The following COPG2 variants were observed in gnomAD, a reference collection of about 807,000 sequenced individuals.
COPG2 encodes the protein coatomer subunit gamma-2.
A neutral mutation model predicts 46.3 loss-of-function variants in COPG2; 37 were observed. The observed-to-expected ratio is 0.80, with a 90% CI of 0.61 to 1.05. The LOEUF is 1.05. Ranked by LOEUF, COPG2 falls within the 50% of genes least tolerant of loss-of-function variation. COPG2 has a pLI of 0.00. For missense variants in COPG2, 427 were observed against 387.8 expected (o/e 1.10, Z -0.85); for synonymous variants, 159 against 129.7 (o/e 1.23, Z -1.53).
intron 9 of COPG2, among the ~76,000 whole-genome samples, chr7:130,566,622 C>G (rs1388199808): frequency 6.6e-6 from 1 of 152,144 alleles, no homozygotes; most frequent in East Asian, 1.9e-4. Flanking sequence ...ATGCCAGGGC[C>G]CACCTCTGCT....
chr7:130,570,777 A>T (rs1793882266), intron 9 of COPG2, among the ~76,000 whole-genome samples: 1 of 152,244 alleles, frequency 6.6e-6, no homozygotes, highest in Non-Finnish European at 1.5e-5. Context: ...ATCTGGAGGC[A>T]TCACATTACC....
chr7:130,528,532 G>T (rs936616120), intron 20 of COPG2, among the ~76,000 whole-genome samples: 1 of 152,244 alleles, frequency 6.6e-6, no homozygotes, highest in South Asian at 2.1e-4. Context: ...CTGAGATCAC[G>T]AATTAGGCCA....
intron 5 of COPG2, among the ~76,000 whole-genome samples, chr7:130,627,083 G>T (rs144813707): frequency 6.6e-6 from 1 of 152,264 alleles, no homozygotes; most frequent in Admixed American, 6.5e-5. Context: ...TAGAGATGAG[G>T]TTTCACCATG....
intron 1 of COPG2, 143 bp downstream of exon 1, chr7:130,668,489 G>A (rs1400238445): frequency 1.7e-6 from 1 of 581,006 alleles, no homozygotes; most frequent in Non-Finnish European, 2.6e-6. Context: ...GCCGCGAGGG[G>A]AGGGGAGGGG....
At chr7:130,629,987 G>A (rs184639378) in intron 5 of COPG2, among the ~76,000 whole-genome samples, 5 of 149,606 alleles carry the variant, frequency 3.3e-5, no homozygotes, top group South Asian at 2.1e-4. Flanking sequence ...GCGCAATCTC[G>A]GCTCACTGCA....
chr7:130,550,943 G>A (rs1793528107), intron 16 of COPG2, among the ~76,000 whole-genome samples: 3 of 152,036 alleles, frequency 2.0e-5, no homozygotes, highest in African/African-American at 7.2e-5. Flanking sequence ...GATAGCATAA[G>A]AAAACGGGAA....
intron 4 of COPG2, among the ~76,000 whole-genome samples, chr7:130,656,484 A>C (rs947040279): frequency 2.6e-5 from 4 of 152,198 alleles, no homozygotes; most frequent in Admixed American, 6.5e-5. Context: ...CTTGAAAGAT[A>C]CAAACTACCA....
intron 5 of COPG2, among the ~76,000 whole-genome samples, chr7:130,636,337 C>G (rs1027174736): frequency 8.5e-5 from 13 of 152,128 alleles, no homozygotes; most frequent in African/African-American, 2.9e-4. Context: ...GTGTGGGAGT[C>G]TAGGTCTCTT....
At chr7:130,524,697 T>C (rs1260781992) in intron 20 of COPG2, among the ~76,000 whole-genome samples, 4 of 151,806 alleles carry the variant, frequency 2.6e-5, no homozygotes, top group East Asian at 3.9e-4. Context: ...TGACAAAGCA[T>C]AGTGTGGGTA....
rs781789634 is a variant in COPG2, at chr7:130,604,728, C to A, written c.737+6225G>T. On this transcript the variant is annotated intron_variant, in intron 9 of 23. Transcript: ENST00000425248. ...CTATTTAAAAAATAAAAATAGCAGG[C>A]ATTTTTGTCTGTCTCATTCACAATC... 14 of 517,024 alleles carry A rather than the reference C, an allele frequency of 2.7e-5. No homozygotes were observed. The East Asian group carries it at 7.1e-4, about 26-fold the overall frequency. 32.0% of individuals were successfully genotyped at this position (517,024 alleles called of 1,614,324 possible).
chr7:130,508,048 C>G (rs1799530669), intron 21 of COPG2: 1 of 478,426 alleles, frequency 2.1e-6, no homozygotes. Flanking sequence ...CCCTGAGGTA[C>G]AGAGTAGTCA....
chr7:130,533,611 G>A (rs1307083318), intron 20 of COPG2, among the ~76,000 whole-genome samples: 1 of 152,142 alleles, frequency 6.6e-6, no homozygotes, highest in African/African-American at 2.4e-5. Flanking sequence ...GGAGAAGGTA[G>A]AATGATCAGA....
chr7:130,596,516 A>G (rs1794528405), intron 9 of COPG2, among the ~76,000 whole-genome samples: 1 of 152,026 alleles, frequency 6.6e-6, no homozygotes, highest in Admixed American at 6.6e-5. Flanking sequence ...CACTCATCCT[A>G]CTCAACCTTG....
chr7:130,659,467 T>C (rs781845877), intron 4 of COPG2, among the ~76,000 whole-genome samples: 4 of 151,800 alleles, frequency 2.6e-5, no homozygotes, highest in East Asian at 1.9e-4. Context: ...TCATTTGTAA[T>C]AGGTAAAATG....
intron 5 of COPG2, among the ~76,000 whole-genome samples, chr7:130,625,245 A>G (rs1420977028): frequency 1.3e-5 from 2 of 152,216 alleles, no homozygotes; most frequent in East Asian, 1.9e-4. Context: ...TGATTATTAT[A>G]TATGAATTTT....
At chr7:130,550,379 C>A (rs1793518172) in intron 17 of COPG2, 145 bp downstream of exon 17, 1 of 271,696 alleles carries the variant, frequency 3.7e-6, no homozygotes, top group East Asian at 5.5e-5. Flanking sequence ...CCACTGTGCT[C>A]CAGCCTGTGC....
At chr7:130,513,496 A>G (rs1397868135) in intron 20 of COPG2, among the ~76,000 whole-genome samples, 1 of 150,660 alleles carries the variant, frequency 6.6e-6, no homozygotes, top group Non-Finnish European at 1.5e-5. Flanking sequence ...TATGCAGTAG[A>G]GAGATGTGAG....
intron 5 of COPG2, among the ~76,000 whole-genome samples, chr7:130,619,160 A>G (rs1159500615): frequency 2.6e-5 from 4 of 152,178 alleles, no homozygotes; most frequent in African/African-American, 7.2e-5. Flanking sequence ...ACTTTTTTCA[A>G]TGATGGAAAA....
chr7:130,629,081 TA>T (rs1420179675), intron 5 of COPG2, among the ~76,000 whole-genome samples: 1 of 152,178 alleles, frequency 6.6e-6, no homozygotes, highest in African/African-American at 2.4e-5. Flanking sequence ...TCACTGGGTA[TA>T]AAATTATCAG....
Sources: gnomAD v4.1 joint callset for allele counts (sites outside exome capture counted in the v4.1 genomes callset) on GRCh38, gnomAD v4.1.1 for gene constraint, MANE v1.5 for transcripts, NCBI Gene and HGNC (gene_info 2026-07-23, HGNC 2026-07-21) for gene names.